Variants in RGPD8 observed in about 807,000 individuals in gnomAD.
RGPD8 encodes the protein RANBP2-like and GRIP domain-containing protein 8.
RGPD8 carries 15 observed loss-of-function variants against 89.1 expected under a neutral mutation model. The observed-to-expected ratio is 0.17, with a 90% CI of 0.11 to 0.26. RGPD8 has a LOEUF of 0.26. RGPD8 is among the 10% of genes least tolerant of loss of function. RGPD8 has a pLI of 1.00. For synonymous variants in RGPD8, 62 were observed against 420.9 expected (o/e 0.15, Z 10.44); for missense variants, 178 against 1,179.6 (o/e 0.15, Z 12.44).
intron 7 of RGPD8, among the ~76,000 whole-genome samples, chr2:112,411,217 G>A (rs529968038): frequency 6.6e-6 from 1 of 150,858 alleles, no homozygotes; most frequent in Non-Finnish European, 1.5e-5. Context: ...ATGTTTTTTT[G>A]GAAGACTGCT....
In RGPD8 at chr2:112,413,525, C is replaced by A. The variant is rs1168913133; in HGVS notation, c.783-899G>T. Among the ~76,000 whole-genome samples the A allele has an allele frequency of 5.5e-5, 6 of 108,832 alleles. 1 individual carries two copies. In the Admixed American group the frequency reaches 5.6e-4, roughly 10 times the overall value. The allele number at this position is 108,832 out of a possible 152,430, so 71.4% of individuals were successfully genotyped here. On this transcript the variant is annotated intron_variant, in intron 6 of 22. Coordinates refer to ENST00000302558, the MANE Select transcript of RGPD8 (RefSeq NM_001164463.1). ...TAAAAGCAAAAAGCAAACACTTAAA[C>A]GTGAAGCATGATTTTAAAGTGGCTT...
In RGPD8 at chr2:112,433,487, A is replaced by C; in HGVS notation, c.-34T>G. 1.3e-6 allele frequency: 2 copies of C among 1,593,034 alleles called. No homozygotes were observed. Among genetic ancestry groups the C allele is most frequent in the Non-Finnish European group, 1.7e-6 (2 of 1,169,568 alleles). On this transcript the variant is annotated 5_prime_UTR_variant, in exon 1 of 23. Transcript: ENST00000302558. The stretch of plus-strand genomic sequence containing the variant: ...CAACCTGGCTCCCGAGACGCGTGCG[A>C]GCACCGCTCAGCCCCGCAGCAGTCG...
intron 1 of RGPD8, among the ~76,000 whole-genome samples, chr2:112,431,697 C>T (rs1248527138): frequency 6.7e-5 from 10 of 150,074 alleles, no homozygotes; most frequent in African/African-American, 2.5e-4. Context: ...AGTGCAGTAG[C>T]GCGATCTCGG....
chr2:112,384,444 TCTAG>T (rs1165590940), intron 20 of RGPD8: 2 of 111,570 alleles, frequency 1.8e-5, no homozygotes, highest in African/African-American at 3.6e-5. Context: ...AGTTCCTTGC[TCTAG>T]CTAATGTTTC....
chr2:112,432,639 C>G, intron 1 of RGPD8: 1 of 985,294 alleles, frequency 1.0e-6, no homozygotes, highest in African/African-American at 1.7e-5. Flanking sequence ...AAGTAAATGT[C>G]CAGGACATGG....
chr2:112,430,209 G>A lies in RGPD8; in HGVS notation c.72+3173C>T, dbSNP rs140952780. Among the ~76,000 whole-genome samples, 729 of 152,184 alleles carry A rather than the reference G, an allele frequency of 4.8e-3. 7 individuals are homozygous for A. The highest frequency in any genetic ancestry group is 0.016 in the African/African-American group (670 of 41,484). On this transcript the variant is annotated intron_variant, in intron 1 of 22. Coordinates refer to ENST00000302558, the MANE Select transcript of RGPD8 (RefSeq NM_001164463.1). ...CACCAAAACTCCGACATTCTAGAAG[G>A]CATGGGCAGTTCACAGATGGCCAGC...
Position 112,433,139 on chromosome 2 carries a change from C to CCGGGT in RGPD8, c.72+238_72+242dup, listed in dbSNP as rs1248582085. On this transcript the variant is annotated intron_variant, in intron 1 of 22. Coordinates refer to ENST00000302558, the MANE Select transcript of RGPD8 (RefSeq NM_001164463.1). The stretch of plus-strand genomic sequence containing the variant: ...CTGACCCATCGAGGCCGCCGCCGGG[C>CCGGGT]CGGGTCGAGGCCGCCGCCTCAACAG... Among the ~76,000 whole-genome samples the CCGGGT allele has an allele frequency of 5.8e-3, 667 of 115,696 alleles. 24 individuals are homozygous for CCGGGT. The highest frequency in any genetic ancestry group is 0.02 in the African/African-American group (633 of 31,286). 75.9% of individuals were successfully genotyped at this position (115,696 alleles called of 152,430 possible). A position where few individuals can be genotyped will look rare whatever the true frequency, so the allele number is the denominator to read the frequency against.
rs531595201 is a variant in RGPD8 at position 112,390,319 on chromosome 2, A to C, written c.2698-72T>G. The C allele has an allele frequency of 8.5e-5, 82 of 960,270 alleles. No homozygotes were observed. The East Asian group carries it at 1.9e-3, about 22-fold the overall frequency. 59.5% of individuals were successfully genotyped at this position (960,270 alleles called of 1,614,324 possible). A position where few individuals can be genotyped will look rare whatever the true frequency, so the allele number is the denominator to read the frequency against. On this transcript the variant is annotated intron_variant, in intron 19 of 22. Coordinates refer to ENST00000302558, the MANE Select transcript of RGPD8 (RefSeq NM_001164463.1). ...TAGTCATGAAATAAATACCTTCTTC[A>C]TTCCTAAACAATTTATCAAATGATG...
intron 1 of RGPD8, among the ~76,000 whole-genome samples, chr2:112,429,146 C>T (rs1451809544): frequency 2.0e-5 from 3 of 151,612 alleles, no homozygotes; most frequent in East Asian, 1.9e-4. Flanking sequence ...TGGGGCCGGG[C>T]GCGGTGGCTC....
intron 1 of RGPD8, among the ~76,000 whole-genome samples, chr2:112,430,448 G>A (rs1243823059): frequency 7.0e-6 from 1 of 143,236 alleles, no homozygotes; most frequent in Non-Finnish European, 1.5e-5. Context: ...CTTTAAATTT[G>A]GGGGGGAAAA....
chr2:112,391,506 GC>G (rs1678712615), intron 18 of RGPD8, among the ~76,000 whole-genome samples: 1 of 115,890 alleles, frequency 8.6e-6, no homozygotes, highest in Non-Finnish European at 2.0e-5. Context: ...GTAAACTAAA[GC>G]TATTACTGAG....
At chr2:112,432,563 G>C in intron 1 of RGPD8, 2 of 985,374 alleles carry the variant, frequency 2.0e-6, no homozygotes, top group Non-Finnish European at 2.4e-6. Flanking sequence ...AAGCTCACCC[G>C]GAGCTGCGTC....
At chr2:112,373,270 C>T (rs373806513) in intron 22 of RGPD8, among the ~76,000 whole-genome samples, 16,758 of 150,532 alleles carry the variant, frequency 0.11, 29 homozygotes, top group Non-Finnish European at 0.14. Flanking sequence ...GTCTATTTGA[C>T]ATTGGGGACT....
At chr2:112,409,833 T>C (rs1362902171) in intron 7 of RGPD8, among the ~76,000 whole-genome samples, 1 of 141,606 alleles carries the variant, frequency 7.1e-6, no homozygotes, top group African/African-American at 2.9e-5. Context: ...AATTTTAGGC[T>C]GTGCGCAGCA....
At chr2:112,432,927 C>A (rs1227179875) in intron 1 of RGPD8, among the ~76,000 whole-genome samples, 1 of 150,394 alleles carries the variant, frequency 6.6e-6, no homozygotes, top group African/African-American at 2.4e-5. Flanking sequence ...CCCTCGGGAG[C>A]CATGACCCCT....
intron 1 of RGPD8, chr2:112,432,662 C>A (rs540419218): frequency 3.1e-4 from 304 of 985,182 alleles, no homozygotes; most frequent in Non-Finnish European, 3.3e-4. Flanking sequence ...AGAAACCCGC[C>A]GATACAGCAC....
intron 7 of RGPD8, among the ~76,000 whole-genome samples, chr2:112,409,210 T>C (rs1679068945): frequency 1.2e-5 from 1 of 85,006 alleles, no homozygotes; most frequent in Non-Finnish European, 2.2e-5. Flanking sequence ...ATCTAAGATG[T>C]TTCTATTATA....
Position 112,422,584 on chromosome 2 carries a change from C to T in RGPD8, c.216G>A (p.Leu72=), listed in dbSNP as rs1392663414. 1 of 1,609,898 alleles carries T rather than the reference C, an allele frequency of 6.2e-7. No homozygotes were observed. The highest frequency in any genetic ancestry group is 2.2e-5 in the East Asian group (1 of 44,732). The change falls in exon 3 of 23, where the codon TTG becomes TTA. Residue 72 remains leucine (L), a synonymous_variant. Transcript: ENST00000302558. Reference sequence around the variant, plus strand: ...CAACGGCTTTCTCTGTGTTTTCTTCCAATTCATAAAGAAGACCCAGAAATC... The same window carrying T: ...CAACGGCTTTCTCTGTGTTTTCTTCTAATTCATAAAGAAGACCCAGAAATC... ...AHRFLGLLYE[L]EENTEKAVEC...
At chr2:112,402,536 T>TAAAAGAAAAGAAA (rs1574004720) in intron 9 of RGPD8, among the ~76,000 whole-genome samples, 2 of 5,410 alleles carry the variant, frequency 3.7e-4, no homozygotes, top group East Asian at 9.3e-3. Flanking sequence ...AAGAAAAGGT[T>TAAAAGAAAAGAAA]ATGCGCTTCT....
Sources: gnomAD v4.1 joint callset for allele counts (sites outside exome capture counted in the v4.1 genomes callset) on GRCh38, gnomAD v4.1.1 for gene constraint, MANE v1.5 for transcripts, NCBI Gene and HGNC (gene_info 2026-07-23, HGNC 2026-07-21) for gene names.